Variants in ANO2 observed in about 807,000 individuals in gnomAD.
ANO2 encodes anoctamin 2.
Under a neutral mutation model 124.2 loss-of-function variants are expected in ANO2, and 101 were observed. That is an observed-to-expected ratio of 0.81 (90% confidence interval 0.69 to 0.96). The LOEUF (loss-of-function observed/expected upper bound fraction) is 0.96. Among genes scored for constraint, ANO2 ranks in the 40% least tolerant of loss-of-function variants. The pLI is 0.00. For missense variants in ANO2, 1,293 were observed against 1,274.5 expected, an observed-to-expected ratio of 1.01 and a Z score of -0.22; for synonymous variants, 486 against 482.5, an observed-to-expected ratio of 1.01 and a Z score of -0.09.
At chr12:5,582,990 T>C (rs1249078732) in intron 20 of ANO2, among the ~76,000 whole-genome samples, 1 of 152,206 alleles carries the variant, frequency 6.6e-6, no homozygotes, top group Non-Finnish European at 1.5e-5. Context: ...CTCTGTTTAT[T>C]TGACCTGCTC....
chr12:5,861,466 G>A (rs915186633), intron 3 of ANO2, among the ~76,000 whole-genome samples: 9 of 152,168 alleles, frequency 5.9e-5, no homozygotes, highest in African/African-American at 2.2e-4. Context: ...TCCAAAGCTT[G>A]CATGTGGATA....
intron 14 of ANO2, among the ~76,000 whole-genome samples, chr12:5,648,114 A>C (rs1395446971): frequency 6.6e-6 from 1 of 152,120 alleles, no homozygotes; most frequent in Non-Finnish European, 1.5e-5. Context: ...CATTTCTGAC[A>C]TTTATTTTTT....
At chr12:5,657,728 T>A (rs1020758754) in intron 14 of ANO2, among the ~76,000 whole-genome samples, 1 of 152,148 alleles carries the variant, frequency 6.6e-6, no homozygotes, top group Admixed American at 6.5e-5. Flanking sequence ...ACTGTGTGCA[T>A]CAGTTGCCCT....
chr12:5,648,055 T>C (rs1234040337), intron 14 of ANO2, among the ~76,000 whole-genome samples: 2 of 152,230 alleles, frequency 1.3e-5, no homozygotes, highest in Non-Finnish European at 2.9e-5. Context: ...GCTGAATTTC[T>C]AGTTCAACCA....
intron 10 of ANO2, among the ~76,000 whole-genome samples, chr12:5,781,237 G>C (rs1952384588): frequency 6.6e-6 from 1 of 152,232 alleles, no homozygotes; most frequent in South Asian, 2.1e-4. Flanking sequence ...CTAGCATCAT[G>C]AATGTTAGAA....
chr12:5,602,277 G>A (rs764615550), intron 19 of ANO2, among the ~76,000 whole-genome samples: 2 of 151,132 alleles, frequency 1.3e-5, no homozygotes, highest in African/African-American at 2.4e-5. Flanking sequence ...TGAGACAAGA[G>A]TCTTGCTGCA....
At chr12:5,946,064 G>C (rs1162941889), upstream of ANO2, 4 of 1,502,598 alleles carry the variant, frequency 2.7e-6, no homozygotes, top group South Asian at 1.1e-5. The surrounding 1 kb of genome is among the most constrained non-coding windows in gnomAD (Gnocchi z 4.1). Flanking sequence ...AAGATGCACA[G>C]AAGTAAAACA....
intron 14 of ANO2, among the ~76,000 whole-genome samples, chr12:5,696,923 T>C (rs912697151): frequency 6.6e-6 from 1 of 152,216 alleles, no homozygotes; most frequent in Admixed American, 6.5e-5. Context: ...ATTTAAATTA[T>C]GCTAGCAAAA....
intron 7 of ANO2, among the ~76,000 whole-genome samples, chr12:5,808,407 T>C (rs1295125557): frequency 6.6e-6 from 1 of 152,188 alleles, no homozygotes; most frequent in Admixed American, 6.5e-5. Flanking sequence ...GTCTGTGTGT[T>C]CTGTCTGAGT....
At chr12:5,811,186 C>T (rs1412641094) in intron 7 of ANO2, among the ~76,000 whole-genome samples, 2 of 152,158 alleles carry the variant, frequency 1.3e-5, no homozygotes, top group Admixed American at 1.3e-4. Flanking sequence ...CCTGAAAATC[C>T]ATTTGGTTTT....
intron 14 of ANO2, among the ~76,000 whole-genome samples, chr12:5,718,940 G>A (rs1242271641): frequency 6.6e-6 from 1 of 152,186 alleles, no homozygotes; most frequent in Non-Finnish European, 1.5e-5. Flanking sequence ...TCCTACTGAT[G>A]GGAGGTACCG....
chr12:5,619,295 G>A (rs2361575), intron 16 of ANO2, among the ~76,000 whole-genome samples: 26,600 of 152,200 alleles, frequency 0.17, 2,656 homozygotes, highest in Non-Finnish European at 0.22. Context: ...AGGAAATACC[G>A]TATTTGGTAA....
intron 14 of ANO2, among the ~76,000 whole-genome samples, chr12:5,711,127 C>T (rs1463040195): frequency 6.7e-6 from 1 of 149,342 alleles, no homozygotes; most frequent in African/African-American, 2.5e-5. Context: ...CACTGTACTC[C>T]AGCCTGGGCG....
At chr12:5,773,087 C>T (rs1781435857) in intron 10 of ANO2, among the ~76,000 whole-genome samples, 1 of 152,226 alleles carries the variant, frequency 6.6e-6, no homozygotes, top group Admixed American at 6.5e-5. Flanking sequence ...GCTATGAAGT[C>T]CTGCCTTGGC....
chr12:5,887,542 A>G (rs1939017054), intron 3 of ANO2, among the ~76,000 whole-genome samples: 1 of 152,220 alleles, frequency 6.6e-6, no homozygotes, highest in African/African-American at 2.4e-5. Context: ...TGGGAGGCTC[A>G]ACTAGCCTTA....
intron 4 of ANO2, among the ~76,000 whole-genome samples, 163 bp from the exon 5 acceptor site, chr12:5,832,766 G>A (rs1417126697): frequency 6.6e-6 from 1 of 152,212 alleles, no homozygotes; most frequent in East Asian, 1.9e-4. Context: ...TTTCCCCAGT[G>A]CTCTCACAAG....
At chr12:5,682,487 T>TA (rs1257238974) in intron 14 of ANO2, among the ~76,000 whole-genome samples, 3 of 151,922 alleles carry the variant, frequency 2.0e-5, no homozygotes, top group African/African-American at 7.3e-5. Flanking sequence ...GGGTCTGAGA[T>TA]AAAAAGAACT....
chr12:5,866,492 C>T (rs772374533), intron 3 of ANO2, among the ~76,000 whole-genome samples: 2 of 152,208 alleles, frequency 1.3e-5, no homozygotes, highest in Non-Finnish European at 2.9e-5. Context: ...AGCATTCTCA[C>T]TGATATAAGA....
chr12:5,658,735 CATCATCAACATCATT>C lies in ANO2; in HGVS notation c.1546-10949_1546-10935del. ...TCATTGTCATCAATATCATCATCAT[CATCATCAACATCATT>C]ATCATCATTAAATCATCATCAGCAT... On this transcript the variant is annotated intron_variant, in intron 14 of 24. Transcript: ENST00000682330. This position sits in a 1 kb window ranked among gnomAD's most constrained non-coding sequence, Gnocchi z 4.3. 1.3e-5 allele frequency among the ~76,000 whole-genome samples: 2 copies of C among 152,106 alleles called. No homozygotes were observed. The highest frequency in any genetic ancestry group is 4.8e-5 in the African/African-American group (2 of 41,352).
Sources: gnomAD v4.1 joint callset for allele counts (sites outside exome capture counted in the v4.1 genomes callset) on GRCh38, gnomAD v4.1.1 for gene constraint, Gnocchi (gnomAD v3.1) non-coding constraint, MANE v1.5 for transcripts, NCBI Gene and HGNC (gene_info 2026-07-23, HGNC 2026-07-21) for gene names.